FRMD6: variants seen among roughly 807,000 people sequenced by gnomAD.
The protein encoded by FRMD6 is FERM domain containing 6, also known as FERM domain-containing protein 6.
Under a neutral mutation model 73.2 loss-of-function variants are expected in FRMD6, and 37 were observed. The ratio of observed to expected loss-of-function variants is 0.51; its 90% CI spans 0.39 to 0.66. The LOEUF (loss-of-function observed/expected upper bound fraction) is 0.66. FRMD6 is among the 30% of genes least tolerant of loss of function. The pLI is 0.00. For missense variants in FRMD6, 714 were observed against 780.5 expected (o/e 0.91, Z 1.02); for synonymous variants, 273 against 282.2 (o/e 0.97, Z 0.33).
chr14:51,715,927 T>C (rs1191847660), intron 10 of FRMD6, among the ~76,000 whole-genome samples: 2 of 152,222 alleles, frequency 1.3e-5, no homozygotes, highest in Admixed American at 1.3e-4. Flanking sequence ...TGATTATTTC[T>C]TAGGGTTAGA....
At chr14:51,545,142 G>A (rs1192722817) in intron 1 of FRMD6, among the ~76,000 whole-genome samples, 1 of 152,070 alleles carries the variant, frequency 6.6e-6, no homozygotes, top group Non-Finnish European at 1.5e-5. Context: ...ACTAGACACA[G>A]TTATCTTCAA....
intron 2 of FRMD6, among the ~76,000 whole-genome samples, chr14:51,578,033 A>G (rs1372016479): frequency 3.9e-5 from 6 of 152,156 alleles, no homozygotes; most frequent in Non-Finnish European, 7.4e-5. Flanking sequence ...CTCCTGTCCT[A>G]TGGTTAATCA....
At chr14:51,661,943 T>A (rs1011226647) in intron 1 of FRMD6, among the ~76,000 whole-genome samples, 2 of 152,334 alleles carry the variant, frequency 1.3e-5, no homozygotes, top group South Asian at 2.1e-4. Context: ...GCCGTGCATA[T>A]CTTCAGCAGG....
At chr14:51,434,452 A>C in the FRMD6 span, among the ~76,000 whole-genome samples, 1 of 152,184 alleles carries the variant, frequency 6.6e-6, no homozygotes, top group Non-Finnish European at 1.5e-5. Context: ...GACATGCTGA[A>C]AGAATGTAAG....
At chr14:51,678,551 G>A (rs1163641015) in intron 1 of FRMD6, among the ~76,000 whole-genome samples, 2 of 152,074 alleles carry the variant, frequency 1.3e-5, no homozygotes, top group Admixed American at 6.6e-5. Context: ...TGTCGTAAAG[G>A]AACATAATTT....
the FRMD6 span, among the ~76,000 whole-genome samples, chr14:51,483,345 G>C: frequency 5.3e-5 from 8 of 152,144 alleles, no homozygotes; most frequent in Admixed American, 5.2e-4. Flanking sequence ...ACATATACAA[G>C]AAAGCACCAG....
At chr14:51,436,624 C>T in the FRMD6 span, 50 of 545,574 alleles carry the variant, frequency 9.2e-5, no homozygotes, top group African/African-American at 7.3e-4. Context: ...AAGCAGCATG[C>T]GGAACTAGAG....
chr14:51,501,859 T>C (rs1302721089), intron 1 of FRMD6, among the ~76,000 whole-genome samples: 1 of 152,186 alleles, frequency 6.6e-6, no homozygotes, highest in East Asian at 1.9e-4. Flanking sequence ...AAAGTGTTCC[T>C]TTTAATCTGC....
At chr14:51,598,470 G>T (rs1482123350) in intron 2 of FRMD6, among the ~76,000 whole-genome samples, 2 of 152,274 alleles carry the variant, frequency 1.3e-5, no homozygotes, top group African/African-American at 4.8e-5. Context: ...TAGGCATATT[G>T]TGTGATGCTA....
the FRMD6 span, among the ~76,000 whole-genome samples, chr14:51,434,124 C>A: frequency 1.3e-5 from 2 of 152,044 alleles, no homozygotes; most frequent in Admixed American, 1.3e-4. Flanking sequence ...CTAGAATAAA[C>A]CCTATAGTGT....
intron 1 of FRMD6, among the ~76,000 whole-genome samples, chr14:51,554,972 T>G (rs142840604): frequency 3.3e-5 from 5 of 152,366 alleles, no homozygotes; most frequent in Admixed American, 6.5e-5. Context: ...ACAATTTTTC[T>G]GTAAATCTAA....
At chr14:51,586,292 G>A (rs1889046717) in intron 2 of FRMD6, among the ~76,000 whole-genome samples, 1 of 152,032 alleles carries the variant, frequency 6.6e-6, no homozygotes, top group Non-Finnish European at 1.5e-5. Flanking sequence ...GGTATAAGAT[G>A]ATACCTCATT....
At chr14:51,535,117 T>C (rs560354316) in intron 1 of FRMD6, among the ~76,000 whole-genome samples, 4 of 152,318 alleles carry the variant, frequency 2.6e-5, no homozygotes, top group Non-Finnish European at 5.9e-5. Flanking sequence ...CATCTTTTGA[T>C]TGAAATCAGG....
At chr14:51,583,480 G>A (rs1888848939) in intron 2 of FRMD6, among the ~76,000 whole-genome samples, 1 of 152,160 alleles carries the variant, frequency 6.6e-6, no homozygotes, top group African/African-American at 2.4e-5. Flanking sequence ...AAATGTAGTT[G>A]CAATAATAAT....
intron 2 of FRMD6, among the ~76,000 whole-genome samples, chr14:51,693,966 A>C (rs1895775766): frequency 6.6e-6 from 1 of 152,228 alleles, no homozygotes; most frequent in African/African-American, 2.4e-5. Flanking sequence ...AATAGCAGTC[A>C]ATGTGTATAG....
intron 2 of FRMD6, among the ~76,000 whole-genome samples, chr14:51,642,114 A>G (rs1315237071): frequency 1.3e-5 from 2 of 152,216 alleles, no homozygotes; most frequent in Non-Finnish European, 2.9e-5. Flanking sequence ...GTGGGATTTC[A>G]GTGAAAGTAC....
intron 2 of FRMD6, among the ~76,000 whole-genome samples, chr14:51,576,363 G>A (rs1322849316): frequency 6.6e-6 from 1 of 152,254 alleles, no homozygotes; most frequent in East Asian, 1.9e-4. Context: ...CCCTGGGAGG[G>A]CATGACAACA....
chr14:51,715,266 G>A (rs1897174806), intron 9 of FRMD6, 59 bp from the exon 10 acceptor site: 2 of 1,307,588 alleles, frequency 1.5e-6, no homozygotes, highest in Non-Finnish European at 2.1e-6. Context: ...GAAACAAAGG[G>A]GACTTTGGCA....
chr14:51,580,067 A>G (rs1359751821), intron 2 of FRMD6, among the ~76,000 whole-genome samples: 1 of 152,164 alleles, frequency 6.6e-6, no homozygotes, highest in Non-Finnish European at 1.5e-5. Flanking sequence ...CCCTAACAGC[A>G]TCCTGATTTT....
Sources: gnomAD v4.1 joint callset for allele counts (sites outside exome capture counted in the v4.1 genomes callset) on GRCh38, gnomAD v4.1.1 for gene constraint, MANE v1.5 for transcripts, NCBI Gene and HGNC (gene_info 2026-07-23, HGNC 2026-07-21) for gene names.